Variants in NAALADL2 observed in about 807,000 individuals in gnomAD.
NAALADL2 encodes the protein inactive N-acetylated-alpha-linked acidic dipeptidase-like protein 2.
In NAALADL2, 76 loss-of-function variants were observed where a neutral mutation model predicts 87.2. The observed-to-expected ratio is 0.87, with a 90% CI of 0.72 to 1.05. NAALADL2 has a LOEUF of 1.05. Ranked by LOEUF, NAALADL2 falls within the 50% of genes least tolerant of loss-of-function variation. NAALADL2 has a pLI of 0.00. For synonymous variants in NAALADL2, 354 were observed against 331.0 expected, an observed-to-expected ratio of 1.07 and a Z score of -0.75; for missense variants, 1,089 against 945.8, an observed-to-expected ratio of 1.15 and a Z score of -1.99.
chr3:174,823,798 C>T (rs1721683389), intron 3 of NAALADL2, among the ~76,000 whole-genome samples: 1 of 151,810 alleles, frequency 6.6e-6, no homozygotes, highest in Admixed American at 6.6e-5. Context: ...ACAACCTCCG[C>T]CTCCCGGGTT....
At chr3:175,666,969 T>C (rs538840317) in intron 11 of NAALADL2, among the ~76,000 whole-genome samples, 10 of 152,058 alleles carry the variant, frequency 6.6e-5, no homozygotes, top group Non-Finnish European at 1.5e-5. Flanking sequence ...ACATATATAC[T>C]TAGTACAGGG....
intron 11 of NAALADL2, among the ~76,000 whole-genome samples, chr3:175,663,580 T>C (rs890461270): frequency 6.6e-6 from 1 of 151,896 alleles, no homozygotes; most frequent in East Asian, 1.9e-4. Context: ...TTATTGTTTA[T>C]TTATTTCTAC....
chr3:175,504,609 CT>C (rs1730035329), intron 9 of NAALADL2, among the ~76,000 whole-genome samples: 1 of 118,990 alleles, frequency 8.4e-6, no homozygotes, highest in Admixed American at 8.8e-5. Context: ...CTCTCTCTCT[CT>C]CTCTCTCTCT....
intron 5 of NAALADL2, among the ~76,000 whole-genome samples, chr3:175,347,687 A>G (rs1283438732): frequency 1.3e-5 from 2 of 152,198 alleles, no homozygotes; most frequent in African/African-American, 4.8e-5. Context: ...TTTAGGTAAC[A>G]CACAGAACAA....
At chr3:175,019,814 C>T (rs9863089) in intron 1 of NAALADL2, among the ~76,000 whole-genome samples, 29,856 of 151,954 alleles carry the variant, frequency 0.2, 3,793 homozygotes, top group African/African-American at 0.36. Context: ...AAATGTCATT[C>T]TCTTATGCAA....
chr3:174,727,922 G>A (rs1732355093), intron 2 of NAALADL2, among the ~76,000 whole-genome samples: 2 of 152,042 alleles, frequency 1.3e-5, no homozygotes, highest in South Asian at 4.1e-4. Flanking sequence ...TCTTTTCACT[G>A]TCTCCATAGT....
At position 175,234,165 on chromosome 3, in the gene NAALADL2, C is replaced by G; in HGVS notation, c.780C>G (p.Leu260=). The G allele has an allele frequency of 1.2e-6, 2 of 1,613,864 alleles. No homozygotes were observed. Among genetic ancestry groups the G allele is most frequent in the Non-Finnish European group, 8.5e-7 (1 of 1,179,802 alleles). ...EARKDSSQDL[L]YSYAAYSAKG... is the part of the protein sequence containing the mutation. ...GAAAAGATAGCAGCCAAGACCTGCT[C>G]TATTCATATGCAGCCTATTCTGCCA... is the stretch of plus-strand genomic sequence containing the variant. The change falls in exon 3 of 14, where the codon CTC becomes CTG. Residue 260 remains leucine, a synonymous_variant. Transcript: ENST00000454872.
Position 174,865,493 on chromosome 3 carries a change from T to C in NAALADL2, c.43+6043T>C, listed in dbSNP as rs1183172789. ...GAATGAAGGATTATTGTACTTTATC[T>C]TCCTCTTTATTTATGACCTTTAATG... On this transcript the variant is annotated intron_variant, in intron 1 of 13. Coordinates refer to ENST00000454872, the MANE Select transcript of NAALADL2 (RefSeq NM_207015.3). Among the ~76,000 whole-genome samples, 3 of 152,108 alleles carry C rather than the reference T, an allele frequency of 2.0e-5. No homozygotes were observed. The East Asian group carries it at 5.8e-4, about 29-fold the overall frequency.
At chr3:174,753,460 T>C (rs962676923) in intron 3 of NAALADL2, among the ~76,000 whole-genome samples, 4 of 152,248 alleles carry the variant, frequency 2.6e-5, no homozygotes, top group African/African-American at 9.6e-5. Flanking sequence ...CCTTACTCTT[T>C]ATAATCTTTA....
intron 1 of NAALADL2, among the ~76,000 whole-genome samples, chr3:174,493,649 G>A (rs1718343920): frequency 6.6e-6 from 1 of 152,186 alleles, no homozygotes; most frequent in South Asian, 2.1e-4. Flanking sequence ...ATTCTGAAAG[G>A]CCTAGAAAGT....
intron 1 of NAALADL2, among the ~76,000 whole-genome samples, chr3:175,025,177 A>T (rs1008303105): frequency 6.6e-6 from 1 of 152,146 alleles, no homozygotes; most frequent in Admixed American, 6.5e-5. Flanking sequence ...GGAGAATAAC[A>T]ATGTGTGAAC....
chr3:175,125,929 C>T (rs1025829748), intron 2 of NAALADL2, among the ~76,000 whole-genome samples: 1 of 151,938 alleles, frequency 6.6e-6, no homozygotes, highest in Admixed American at 6.6e-5. Context: ...TTTAATGAGG[C>T]AGAACCAGCA....
At chr3:174,446,009 T>C (rs1481280042) in intron 1 of NAALADL2, among the ~76,000 whole-genome samples, 2 of 152,188 alleles carry the variant, frequency 1.3e-5, no homozygotes, top group African/African-American at 4.8e-5. Flanking sequence ...GATATTGATG[T>C]CAGACAAAAT....
chr3:174,701,086 AC>A (rs142929888), intron 2 of NAALADL2, among the ~76,000 whole-genome samples: 14,254 of 152,016 alleles, frequency 0.094, 796 homozygotes, highest in Middle Eastern at 0.12. Flanking sequence ...CAGGGAAGGG[AC>A]CTAAGAGAGT....
intron 1 of NAALADL2, among the ~76,000 whole-genome samples, chr3:175,013,297 A>ATTTT (rs1293274493): frequency 0.014 from 1,083 of 77,484 alleles, 77 homozygotes; most frequent in Middle Eastern, 0.047. Context: ...ATATATATAT[A>ATTTT]TATATTTTTT....
chr3:175,185,343 A>G (rs1316241480), intron 2 of NAALADL2, among the ~76,000 whole-genome samples: 1 of 152,046 alleles, frequency 6.6e-6, no homozygotes, highest in Non-Finnish European at 1.5e-5. Context: ...TATGCAAAAT[A>G]CTTTTAACAG....
intron 1 of NAALADL2, among the ~76,000 whole-genome samples, chr3:174,882,622 TATATGTGCATATACAC>T (rs201364539): frequency 0.23 from 29,552 of 130,298 alleles, 3,515 homozygotes; most frequent in Admixed American, 0.29. Context: ...TGCATATGCA[TATATGTGCATATACAC>T]ATATGTGCAT....
intron 5 of NAALADL2, among the ~76,000 whole-genome samples, chr3:175,433,947 G>A (rs1718207930): frequency 6.6e-6 from 1 of 152,076 alleles, no homozygotes; most frequent in South Asian, 2.1e-4. Flanking sequence ...CCCATGGCAA[G>A]TGTTTTAGAA....
chr3:175,013,201 AATATATAAT>A (rs1750299689), intron 1 of NAALADL2, among the ~76,000 whole-genome samples: 4 of 74,750 alleles, frequency 5.4e-5, no homozygotes, highest in African/African-American at 1.0e-4. Context: ...TATATACATA[AATATATAAT>A]ATATATTTAT....
Sources: allele counts gnomAD v4.1 joint callset (sites outside exome capture counted in the v4.1 genomes callset), GRCh38; gene constraint gnomAD v4.1.1; transcripts MANE v1.5; gene names NCBI Gene and HGNC (gene_info 2026-07-23, HGNC 2026-07-21).